PCDH15: variants seen among roughly 807,000 people sequenced by gnomAD.
The protein encoded by PCDH15 is protocadherin-15.
A neutral mutation model predicts 178.5 loss-of-function variants in PCDH15; 129 were observed. That is an observed-to-expected ratio of 0.72 (90% CI 0.63 to 0.84). The LOEUF is 0.84. Ranked by LOEUF, PCDH15 falls within the 40% of genes least tolerant of loss-of-function variation. The pLI, the probability that PCDH15 is intolerant of heterozygous loss-of-function variation, is 0.00. For synonymous variants in PCDH15, 800 were observed against 732.0 expected (o/e 1.09, Z -1.50); for missense variants, 2,230 against 2,099.9 (o/e 1.06, Z -1.21).
In PCDH15 at chr10:54,719,522, A is replaced by T. The variant is rs575070060; in HGVS notation, c.-28-55232T>A. ...ATTTTTATTATTTCCTTTTTTTTTT[A>T]AATTTTACTTTAAGTTCTGGGATAC... On this transcript the variant is annotated intron_variant, in intron 1 of 37. Transcript: ENST00000644397. Among the ~76,000 whole-genome samples, 378 of 151,368 alleles carry T rather than the reference A, an allele frequency of 2.5e-3. 3 individuals carry two copies. The highest frequency in any genetic ancestry group is 7.2e-3 in the African/African-American group (299 of 41,272).
chr10:55,050,634 G>C (rs182267854), intron 2 of PCDH15, among the ~76,000 whole-genome samples: 9 of 152,128 alleles, frequency 5.9e-5, no homozygotes, highest in African/African-American at 1.7e-4. Flanking sequence ...TTCCAAAGCT[G>C]TATTGGCATA....
At chr10:54,479,258 C>A (rs1009113402) in intron 3 of PCDH15, among the ~76,000 whole-genome samples, 4 of 151,906 alleles carry the variant, frequency 2.6e-5, no homozygotes, top group African/African-American at 4.8e-5. Flanking sequence ...TAATTAAATT[C>A]TTCCCTAAAG....
chr10:54,278,720 CA>C (rs750062416), intron 8 of PCDH15, among the ~76,000 whole-genome samples: 2 of 151,522 alleles, frequency 1.3e-5, no homozygotes, highest in Non-Finnish European at 3.0e-5. Flanking sequence ...TCATGAATAT[CA>C]AAGTGATTCC....
At chr10:54,493,017 C>T (rs2079750716) in intron 3 of PCDH15, among the ~76,000 whole-genome samples, 1 of 152,092 alleles carries the variant, frequency 6.6e-6, no homozygotes, top group Non-Finnish European at 1.5e-5. Context: ...GAGAACTCCT[C>T]TTTATAAAAC....
Position 53,806,793 on chromosome 10 carries a change from A to AGAGTT in PCDH15, c.5004_5008dup (p.Leu1670GlnfsTer18), listed in dbSNP as rs771934339. The AGAGTT allele has an allele frequency of 1.9e-6, 3 of 1,613,722 alleles. No individual in the cohort carries two copies. Among genetic ancestry groups the AGAGTT allele is most frequent in the Admixed American group, 3.3e-5 (2 of 59,984 alleles). ...CACAGGGCAAGGGGCAAATGTAACC[A>AGAGTT]GAGTTGGTCTTGCATTCATTTTTTC... is the stretch of plus-strand genomic sequence containing the variant. On this transcript the variant is annotated frameshift_variant, in exon 38 of 38. Transcript: ENST00000644397. LOFTEE classifies it high-confidence loss of function.
At chr10:54,974,228 A>G (rs2131896963) in intron 2 of PCDH15, among the ~76,000 whole-genome samples, 1 of 152,244 alleles carries the variant, frequency 6.6e-6, no homozygotes, top group Middle Eastern at 3.4e-3. Context: ...AGTGAACACA[A>G]AGAAGCTAAA....
At chr10:55,486,815 C>T (rs1282810439) in intron 2 of PCDH15, among the ~76,000 whole-genome samples, 1 of 151,412 alleles carries the variant, frequency 6.6e-6, no homozygotes, top group Non-Finnish European at 1.5e-5. Context: ...CTTGTTGGAG[C>T]TTACAGTCTT....
intron 18 of PCDH15, among the ~76,000 whole-genome samples, chr10:54,053,907 C>A (rs1299594351): frequency 6.6e-6 from 1 of 151,918 alleles, no homozygotes; most frequent in Admixed American, 6.6e-5. Context: ...TAATAAGAGC[C>A]TGATTATGGT....
chr10:54,484,202 C>G (rs936560016), intron 3 of PCDH15, among the ~76,000 whole-genome samples: 1 of 151,876 alleles, frequency 6.6e-6, no homozygotes, highest in Non-Finnish European at 1.5e-5. Flanking sequence ...AATATACATA[C>G]ACCTCTATAA....
chr10:55,538,736 TTTCCTTCCTTCCTTCCTCCC>T (rs1841674271), intron 2 of PCDH15, among the ~76,000 whole-genome samples: 1 of 5,764 alleles, frequency 1.7e-4, no homozygotes, highest in Non-Finnish European at 2.8e-4. Context: ...TCCTTCCTCC[TTTCCTTCCTTCCTTCCTCCC>T]TTCCTTCCTT....
intron 3 of PCDH15, among the ~76,000 whole-genome samples, chr10:54,884,349 A>G (rs1229867001): frequency 6.6e-6 from 1 of 152,062 alleles, no homozygotes; most frequent in Non-Finnish European, 1.5e-5. Context: ...ACACAAATTC[A>G]CTTTCTACTT....
rs557345803 is a variant in PCDH15, at chr10:53,825,378, C to CTAAT, written c.4367+2011_4367+2014dup. ...AATGTCTTTTCACAGAAAATTGTATCTAATAAAGTCTGTTTACTATACATA... is the reference window on the plus strand; with the variant it reads ...AATGTCTTTTCACAGAAAATTGTATCTAATTAATAAAGTCTGTTTACTATACATA... On this transcript the variant is annotated intron_variant, in intron 32 of 37. Coordinates refer to ENST00000644397, the MANE Select transcript of PCDH15 (RefSeq NM_001384140.1). 5.4e-4 allele frequency among the ~76,000 whole-genome samples: 80 copies of CTAAT among 147,892 alleles called. 3 individuals carry two copies. The South Asian group carries it at 0.017, about 32-fold the overall frequency.
chr10:55,392,487 C>T (rs1837819864), intron 2 of PCDH15, among the ~76,000 whole-genome samples: 1 of 152,008 alleles, frequency 6.6e-6, no homozygotes, highest in Non-Finnish European at 1.5e-5. Context: ...TTCCAGCATC[C>T]AATCCAGGAT....
At chr10:55,166,811 G>A (rs974428733) in intron 1 of PCDH15, among the ~76,000 whole-genome samples, 7 of 152,152 alleles carry the variant, frequency 4.6e-5, no homozygotes, top group African/African-American at 1.2e-4. Context: ...ATGAGTAAAA[G>A]ATTGCAAGAA....
intron 26 of PCDH15, among the ~76,000 whole-genome samples, chr10:53,899,873 A>G (rs901580520): frequency 3.3e-5 from 5 of 152,188 alleles, no homozygotes; most frequent in Non-Finnish European, 7.3e-5. Flanking sequence ...ATTGTTAAAC[A>G]TTAAGTATTT....
chr10:54,872,311 C>A (rs1198579888), intron 3 of PCDH15, among the ~76,000 whole-genome samples: 1 of 151,874 alleles, frequency 6.6e-6, no homozygotes, highest in Non-Finnish European at 1.5e-5. Flanking sequence ...TAATTTATCT[C>A]AGAAAATACT....
chr10:54,049,305 T>A, intron 18 of PCDH15, among the ~76,000 whole-genome samples: 1 of 152,132 alleles, frequency 6.6e-6, no homozygotes, highest in Admixed American at 6.6e-5. Context: ...AGAATAATAA[T>A]TTCAGTGAGG....
chr10:55,330,206 C>T (rs1292663735), intron 2 of PCDH15, among the ~76,000 whole-genome samples: 2 of 151,530 alleles, frequency 1.3e-5, no homozygotes, highest in Non-Finnish European at 3.0e-5. Context: ...ATATTTGAGG[C>T]TTTTATACAT....
intron 2 of PCDH15, among the ~76,000 whole-genome samples, chr10:55,473,045 A>T (rs1238049852): frequency 6.6e-6 from 1 of 152,200 alleles, no homozygotes; most frequent in East Asian, 1.9e-4. Flanking sequence ...GAATGTCCTA[A>T]TTCAGATGAA....
Sources: gnomAD v4.1 joint callset for allele counts (sites outside exome capture counted in the v4.1 genomes callset) on GRCh38, gnomAD v4.1.1 for gene constraint, MANE v1.5 for transcripts, NCBI Gene and HGNC (gene_info 2026-07-23, HGNC 2026-07-21) for gene names.